SNX29: variants seen among roughly 807,000 people sequenced by gnomAD.
The protein encoded by SNX29 is sorting nexin-29.
SNX29 carries 78 observed loss-of-function variants against 102.1 expected under a neutral mutation model. The observed-to-expected ratio is 0.76, with a 90% CI of 0.64 to 0.92. SNX29 has a LOEUF of 0.92. Ranked by LOEUF, SNX29 falls within the 40% of genes least tolerant of loss-of-function variation. The pLI, the probability that SNX29 is intolerant of heterozygous loss-of-function variation, is 0.00. For synonymous variants in SNX29, 580 were observed against 414.5 expected (o/e 1.40, Z -4.85); for missense variants, 1,280 against 1,061.7 (o/e 1.21, Z -2.86).
intron 13 of SNX29, among the ~76,000 whole-genome samples, chr16:12,166,938 C>T (rs1357410571): frequency 6.6e-6 from 1 of 152,234 alleles, no homozygotes; most frequent in Admixed American, 6.5e-5. Context: ...TCCGTCTTTG[C>T]TTTGGGTTGC....
chr16:12,101,528 C>A (rs1268647824), intron 11 of SNX29, among the ~76,000 whole-genome samples: 2 of 151,924 alleles, frequency 1.3e-5, no homozygotes, highest in African/African-American at 4.8e-5. Flanking sequence ...GGATTACAGG[C>A]ATGCACCACC....
intron 16 of SNX29, among the ~76,000 whole-genome samples, chr16:12,384,042 T>A (rs1304829514): frequency 6.6e-6 from 1 of 152,198 alleles, no homozygotes; most frequent in African/African-American, 2.4e-5. Flanking sequence ...TTGTTGCAAA[T>A]GACAGGCTCT....
Position 12,356,270 on chromosome 16 carries a change from C to G in SNX29, c.1890C>G (p.Leu630=). ...VSQMRQELID[L]RGPVPGDLSQ... Reference sequence around the variant, plus strand: ...AGATGAGGCAGGAGCTCATCGATCTCCGGGGACCGGTGAGTGTTTCCCCAA... The same window carrying G: ...AGATGAGGCAGGAGCTCATCGATCTGCGGGGACCGGTGAGTGTTTCCCCAA... The change falls in exon 16 of 21, where the codon CTC becomes CTG. Residue 630 remains leucine (L), a synonymous_variant. Transcript: ENST00000566228. The G allele has an allele frequency of 6.2e-7, 1 of 1,603,430 alleles. No homozygotes were observed. The highest frequency in any genetic ancestry group is 8.5e-7 in the Non-Finnish European group (1 of 1,175,404).
At position 11,989,548 on chromosome 16, in the gene SNX29, C is replaced by T. The variant is rs192788840; in HGVS notation, c.8-9749C>T. Among the ~76,000 whole-genome samples the T allele has an allele frequency of 8.5e-4, 130 of 152,298 alleles. 1 individual carries two copies. The highest frequency in any genetic ancestry group is 1.1e-3 in the Non-Finnish European group (77 of 68,026). ...AGTCTAGAGCAGATAAAACCACCAC[C>T]GCACTCTGCCCATGACAGGAATGAG... On this transcript the variant is annotated intron_variant, in intron 1 of 20. Transcript: ENST00000566228.
chr16:12,175,514 G>A (rs2076240378), intron 13 of SNX29, among the ~76,000 whole-genome samples: 1 of 152,076 alleles, frequency 6.6e-6, no homozygotes, highest in Non-Finnish European at 1.5e-5. Context: ...AGCCAGGGAT[G>A]GTGGTACACA....
At chr16:12,025,025 G>A (rs2057148144) in intron 3 of SNX29, among the ~76,000 whole-genome samples, 1 of 152,014 alleles carries the variant, frequency 6.6e-6, no homozygotes, top group African/African-American at 2.4e-5. Context: ...TATGAGGCTG[G>A]GTGCAATGGT....
At chr16:12,179,404 G>A (rs2076333486) in intron 13 of SNX29, among the ~76,000 whole-genome samples, 1 of 152,262 alleles carries the variant, frequency 6.6e-6, no homozygotes, top group African/African-American at 2.4e-5. Context: ...AGGATCGCCT[G>A]AGCCCAGGAG....
At chr16:11,991,710 TC>T (rs1469169165) in intron 1 of SNX29, among the ~76,000 whole-genome samples, 1 of 115,962 alleles carries the variant, frequency 8.6e-6, no homozygotes. Context: ...CTGAGGCTAA[TC>T]TTTTTTTTTT....
At chr16:12,543,950 G>A (rs2077465053) in intron 20 of SNX29, among the ~76,000 whole-genome samples, 1 of 152,164 alleles carries the variant, frequency 6.6e-6, no homozygotes, top group East Asian at 1.9e-4. Flanking sequence ...TAAGCGAGGA[G>A]CCTATCTGCT....
intron 14 of SNX29, among the ~76,000 whole-genome samples, chr16:12,271,055 A>C (rs541006658): frequency 2.4e-4 from 36 of 152,292 alleles, no homozygotes; most frequent in Middle Eastern, 3.4e-3. Flanking sequence ...ATCAATCAAT[A>C]AATAAAGTGG....
At chr16:12,097,334 G>A (rs942595542) in intron 11 of SNX29, among the ~76,000 whole-genome samples, 14 of 152,160 alleles carry the variant, frequency 9.2e-5, no homozygotes, top group African/African-American at 2.7e-4. Context: ...CTCTTACTCC[G>A]GGAAGAATAT....
chr16:12,171,481 G>T (rs2076148636), intron 13 of SNX29, among the ~76,000 whole-genome samples: 1 of 152,238 alleles, frequency 6.6e-6, no homozygotes, highest in South Asian at 2.1e-4. Flanking sequence ...GCTTCAGAGG[G>T]AGGGCTCTAG....
At chr16:12,019,601 T>C (rs1407304586) in intron 3 of SNX29, among the ~76,000 whole-genome samples, 1 of 149,442 alleles carries the variant, frequency 6.7e-6, no homozygotes. Context: ...TATAGATAGA[T>C]AGATAGATAG....
chr16:12,572,159 T>C lies in SNX29; in HGVS notation c.*3530T>C. Reference sequence around the variant, plus strand: ...ACTTTGGAGCTTATTAAGATCAATTTTGATAACCATGTAATTTCTTAGAAC... The same window carrying C: ...ACTTTGGAGCTTATTAAGATCAATTCTGATAACCATGTAATTTCTTAGAAC... On this transcript the variant is annotated 3_prime_UTR_variant, in exon 21 of 21. Transcript: ENST00000566228. 1.0e-6 allele frequency: 1 copy of C among 986,366 alleles called. No homozygotes were observed. Among genetic ancestry groups the C allele is most frequent in the Non-Finnish European group, 1.2e-6 (1 of 808,038 alleles). The allele number at this position is 986,366 out of a possible 1,614,324, so 61.1% of individuals were successfully genotyped here.
chr16:12,417,961 C>G (rs140530065), intron 18 of SNX29, among the ~76,000 whole-genome samples: 44 of 152,250 alleles, frequency 2.9e-4, no homozygotes, highest in African/African-American at 1.0e-3. Context: ...TTGGCCGCAG[C>G]ATTGAGTCTC....
chr16:12,121,125 G>A (rs1434396001), intron 11 of SNX29, among the ~76,000 whole-genome samples: 2 of 152,228 alleles, frequency 1.3e-5, no homozygotes, highest in East Asian at 1.9e-4. Context: ...CGTGTGTTCT[G>A]TGCTGGGCAC....
chr16:12,214,570 A>G (rs1031540659), intron 14 of SNX29, among the ~76,000 whole-genome samples: 1 of 151,730 alleles, frequency 6.6e-6, no homozygotes, highest in Non-Finnish European at 1.5e-5. Context: ...ACTTGCCTGA[A>G]TATTTTTTTT....
chr16:12,167,570 C>T (rs957352718), intron 13 of SNX29, among the ~76,000 whole-genome samples: 1 of 152,132 alleles, frequency 6.6e-6, no homozygotes, highest in African/African-American at 2.4e-5. Context: ...ATTCCATTAT[C>T]GCCACCATTA....
At chr16:11,995,795 C>T (rs1335197883) in intron 1 of SNX29, among the ~76,000 whole-genome samples, 1 of 152,168 alleles carries the variant, frequency 6.6e-6, no homozygotes, top group Non-Finnish European at 1.5e-5. Context: ...GGCACGGTGG[C>T]TCACACCTGT....
Sources: gnomAD v4.1 joint callset for allele counts (sites outside exome capture counted in the v4.1 genomes callset) on GRCh38, gnomAD v4.1.1 for gene constraint, MANE v1.5 for transcripts, NCBI Gene and HGNC (gene_info 2026-07-23, HGNC 2026-07-21) for gene names.